HMGB1: variants seen among roughly 807,000 people sequenced by gnomAD.
The protein encoded by HMGB1 is high mobility group box 1, also known as high mobility group protein B1.
For missense variants in HMGB1, 79 were observed against 253.5 expected (o/e 0.31, Z 4.67); for synonymous variants, 81 against 84.0 (o/e 0.96, Z 0.19).
chr13:30,464,516 G>C (rs908770650), intron 1 of HMGB1: 1 of 978,368 alleles, frequency 1.0e-6, no homozygotes, highest in Non-Finnish European at 1.2e-6. Flanking sequence ...CGGCCGAGGA[G>C]AGAGGACGCG....
chr13:30,469,671 A>G (rs2388547), upstream of HMGB1, among the ~76,000 whole-genome samples: 13,432 of 149,626 alleles, frequency 0.09, 3,336 homozygotes, highest in African/African-American at 0.31. Flanking sequence ...TCCCTCTGTC[A>G]CCAGGCTGGA....
At chr13:30,527,749 T>C (rs1333525937) in intron 1 of HMGB1, among the ~76,000 whole-genome samples, 12 of 152,164 alleles carry the variant, frequency 7.9e-5, no homozygotes, top group Admixed American at 7.9e-4. Context: ...AGGAGTCTTA[T>C]TCCTGCTCCC....
chr13:30,539,005 T>C (rs1038724869), intron 1 of HMGB1, among the ~76,000 whole-genome samples: 1 of 152,138 alleles, frequency 6.6e-6, no homozygotes, highest in African/African-American at 2.4e-5. Flanking sequence ...CAAGAGATTC[T>C]CCTGCCTCAG....
At chr13:30,605,884 A>G (rs1950453401) in intron 1 of HMGB1, among the ~76,000 whole-genome samples, 4 of 152,224 alleles carry the variant, frequency 2.6e-5, no homozygotes, top group African/African-American at 9.6e-5. Context: ...TTGTTTGAGG[A>G]TAACTTCCCC....
chr13:30,462,538 C>T lies in HMGB1; in HGVS notation c.471G>A (p.Lys157=), dbSNP rs754370309. Residue 157 remains lysine, a splice_region_variant and synonymous_variant, in exon 4 of 5, where the codon AAG becomes AAA. Coordinates refer to ENST00000341423, the MANE Select transcript of HMGB1 (RefSeq NM_002128.7). Reference sequence around the variant, plus strand: ...TACCAAGCAAACCCACACTTCTTACCTTTTCATATTTTTCCTTCAGCTTCG... The same window carrying T: ...TACCAAGCAAACCCACACTTCTTACTTTTTCATATTTTTCCTTCAGCTTCG... ...KAAKLKEKYE[K]DIAAYRAKGK... 1.3e-5 allele frequency: 21 copies of T among 1,610,198 alleles called. No individual in the cohort carries two copies. The highest frequency in any genetic ancestry group is 1.7e-5 in the Non-Finnish European group (20 of 1,176,586).
intron 1 of HMGB1, among the ~76,000 whole-genome samples, chr13:30,552,911 C>G (rs1280755831): frequency 6.6e-6 from 1 of 152,198 alleles, no homozygotes; most frequent in Admixed American, 6.5e-5. Context: ...TGCTTTTGGC[C>G]TCTGCCCCTA....
chr13:30,559,125 T>C lies in HMGB1; in HGVS notation c.-15+57546A>G, dbSNP rs60772660. 0.019 allele frequency among the ~76,000 whole-genome samples: 2,969 copies of C among 152,264 alleles called. 116 individuals carry two copies. The highest frequency in any genetic ancestry group is 0.067 in the African/African-American group (2,780 of 41,526). ...CTTCTCTAGAAATAGGTGAGTCTGTTTCTTACATTGCCAAATGTACCTGGG... is the reference window on the plus strand; with the variant it reads ...CTTCTCTAGAAATAGGTGAGTCTGTCTCTTACATTGCCAAATGTACCTGGG... On this transcript the variant is annotated intron_variant, in intron 1 of 4. Transcript: ENST00000405805. The surrounding 1 kb of genome is among the most constrained non-coding windows in gnomAD (Gnocchi z 6.6).
In HMGB1 at chr13:30,460,224, G is replaced by GT. The variant is rs1345361555; in HGVS notation, c.*1132dup. On this transcript the variant is annotated 3_prime_UTR_variant, in exon 5 of 5. Coordinates refer to ENST00000341423, the MANE Select transcript of HMGB1 (RefSeq NM_002128.7). ...ACTTGGATTTATAAAGGGGCAAACC[G>GT]TAATATAGGAAAATATACCCTATTT... The GT allele has an allele frequency of 4.6e-5, 7 of 152,470 alleles. No individual in the cohort carries two copies. The highest frequency in any genetic ancestry group is 1.0e-4 in the Non-Finnish European group (7 of 67,928). The allele number at this position is 152,470 out of a possible 1,614,324, so 9.4% of individuals were successfully genotyped here.
At chr13:30,468,408 C>T (rs146101016), upstream of HMGB1, among the ~76,000 whole-genome samples, 932 of 152,276 alleles carry the variant, frequency 6.1e-3, 8 homozygotes, top group African/African-American at 0.021. Context: ...GCATGCGCCA[C>T]CATGCCCGGC....
chr13:30,569,075 T>C (rs1310503620), intron 1 of HMGB1, among the ~76,000 whole-genome samples: 1 of 151,982 alleles, frequency 6.6e-6, no homozygotes, highest in Non-Finnish European at 1.5e-5. Context: ...CTCAGGAGGC[T>C]GAGGCAGAAG....
chr13:30,504,384 G>A (rs1160064692), intron 1 of HMGB1, among the ~76,000 whole-genome samples: 5 of 152,034 alleles, frequency 3.3e-5, no homozygotes, highest in East Asian at 1.9e-4. Flanking sequence ...TGTTTTTCAC[G>A]CTTAATATTG....
intron 1 of HMGB1, among the ~76,000 whole-genome samples, chr13:30,553,124 G>A (rs545980579): frequency 6.6e-6 from 1 of 152,272 alleles, no homozygotes; most frequent in East Asian, 1.9e-4. Context: ...ATGTTAAAAG[G>A]TTCCTCAGAA....
intron 1 of HMGB1, among the ~76,000 whole-genome samples, chr13:30,515,396 C>T (rs778278564): frequency 2.6e-5 from 4 of 152,160 alleles, no homozygotes; most frequent in Non-Finnish European, 5.9e-5. Flanking sequence ...TGTGCTAATA[C>T]GTGGGTGCTG....
intron 1 of HMGB1, among the ~76,000 whole-genome samples, chr13:30,494,657 G>A (rs552756914): frequency 2.6e-5 from 4 of 152,246 alleles, no homozygotes; most frequent in African/African-American, 7.2e-5. Context: ...TACTGCTCCC[G>A]GCCTTAACCA....
At chr13:30,495,367 T>C (rs1291768583) in intron 1 of HMGB1, among the ~76,000 whole-genome samples, 1 of 152,226 alleles carries the variant, frequency 6.6e-6, no homozygotes, top group East Asian at 1.9e-4. Context: ...CTCTAATTCG[T>C]AGAAATTTCT....
chr13:30,471,189 C>G (rs1291084), intron 1 of HMGB1, among the ~76,000 whole-genome samples: 7,224 of 151,842 alleles, frequency 0.048, 549 homozygotes, highest in African/African-American at 0.16. Context: ...ACAGGCCGGT[C>G]TTGAACTCCT....
chr13:30,555,960 A>G (rs1869668511), intron 1 of HMGB1, among the ~76,000 whole-genome samples: 1 of 152,240 alleles, frequency 6.6e-6, no homozygotes, highest in Admixed American at 6.5e-5. Context: ...GTGGGAAATG[A>G]GAATTATTCA....
rs1409856474 is a variant in HMGB1 at position 30,519,537 on chromosome 13, T to C, written c.-14-55843A>G. Reference sequence around the variant, plus strand: ...AGTGAAACCCTGTCTCTACTAAAAATACAAAAAAAAAAATTAGCCAGGCGT... The same window carrying C: ...AGTGAAACCCTGTCTCTACTAAAAACACAAAAAAAAAAATTAGCCAGGCGT... On this transcript the variant is annotated intron_variant, in intron 1 of 4. Coordinates refer to the HMGB1 transcript ENST00000405805. Among the ~76,000 whole-genome samples, 91 of 59,952 alleles carry C rather than the reference T, an allele frequency of 1.5e-3. 1 individual carries two copies. The East Asian group carries it at 0.032, about 21-fold the overall frequency. 39.3% of individuals were successfully genotyped at this position (59,952 alleles called of 152,430 possible).
At chr13:30,505,710 T>G (rs1039552977) in intron 1 of HMGB1, among the ~76,000 whole-genome samples, 7 of 152,084 alleles carry the variant, frequency 4.6e-5, no homozygotes, top group African/African-American at 1.7e-4. Flanking sequence ...ACAGGGCCCA[T>G]CCCGTTTCCA....
Sources: allele counts gnomAD v4.1 joint callset (sites outside exome capture counted in the v4.1 genomes callset), GRCh38; gene constraint gnomAD v4.1.1; non-coding constraint Gnocchi (gnomAD v3.1); transcripts MANE v1.5; gene names NCBI Gene and HGNC (gene_info 2026-07-23, HGNC 2026-07-21).